Variants in TP73 observed in about 807,000 individuals in gnomAD.
TP73 encodes tumor protein p73.
TP73 carries 25 observed loss-of-function variants against 62.5 expected under a neutral mutation model. The ratio of observed to expected loss-of-function variants is 0.40; its 90% CI spans 0.29 to 0.56. The LOEUF (loss-of-function observed/expected upper bound fraction) is 0.56, where lower values mean the gene tolerates loss of function less well. TP73 is among the 20% of genes least tolerant of loss of function. TP73 has a pLI of 0.46. For missense variants in TP73, 754 were observed against 913.3 expected (o/e 0.83, Z 2.25); for synonymous variants, 423 against 377.5 (o/e 1.12, Z -1.40).
At position 3,699,045 on chromosome 1, in the gene TP73, C is replaced by T. The variant is rs1638925898; in HGVS notation, c.187-8504C>T. Among the ~76,000 whole-genome samples, 1 of 151,430 alleles carries T rather than the reference C, an allele frequency of 6.6e-6. No homozygotes were observed. The highest frequency in any genetic ancestry group is 2.5e-5 in the African/African-American group (1 of 40,800). On this transcript the variant is annotated intron_variant, in intron 3 of 13. Coordinates refer to ENST00000378295, the MANE Select transcript of TP73 (RefSeq NM_005427.4). The surrounding 1 kb of genome is among the most constrained non-coding windows in gnomAD (Gnocchi z 4.1). Reference sequence around the variant, plus strand: ...CAGCCCCGGGTGAGAGCAGAGGGTGCTGTGGGTGAGAGCACAGGGTGCTGT... The same window carrying T: ...CAGCCCCGGGTGAGAGCAGAGGGTGTTGTGGGTGAGAGCACAGGGTGCTGT...
chr1:3,727,456 C>CT (rs1401176190), intron 7 of TP73, 172 bp from the exon 8 acceptor site: 25 of 1,074,734 alleles, frequency 2.3e-5, no homozygotes, highest in Non-Finnish European at 3.2e-5. Context: ...AGCCTCACAG[C>CT]TTTGAGCCTC....
At chr1:3,729,022 G>C (rs1009035697) in intron 9 of TP73, among the ~76,000 whole-genome samples, 16 of 152,118 alleles carry the variant, frequency 1.1e-4, no homozygotes, top group Non-Finnish European at 1.2e-4. Context: ...GAGACAGAGA[G>C]AGACAGACTT....
At chr1:3,652,859 C>A (rs1377800265) in intron 1 of TP73, 2 of 152,320 alleles carry the variant, frequency 1.3e-5, no homozygotes, top group African/African-American at 4.8e-5. Context: ...GTCTAGCCTG[C>A]GAGGAGACGC....
intron 4 of TP73, among the ~76,000 whole-genome samples, chr1:3,712,800 C>A (rs1248911656): frequency 6.6e-6 from 1 of 152,164 alleles, no homozygotes; most frequent in East Asian, 1.9e-4. Flanking sequence ...GAGGGCACAC[C>A]AGGGTCACCT....
intron 1 of TP73, among the ~76,000 whole-genome samples, chr1:3,656,090 G>A (rs1259204245): frequency 2.6e-5 from 4 of 152,028 alleles, no homozygotes; most frequent in African/African-American, 7.3e-5. Flanking sequence ...GCAGGAGAAT[G>A]GCGTGAACCC....
chr1:3,718,660 G>A (rs185472212), intron 4 of TP73, among the ~76,000 whole-genome samples: 73 of 152,208 alleles, frequency 4.8e-4, no homozygotes, highest in African/African-American at 1.7e-3. Context: ...GCCTCTGCCC[G>A]CAGGCTTGGT....
intron 4 of TP73, among the ~76,000 whole-genome samples, chr1:3,719,835 C>T (rs1201367320): frequency 6.6e-6 from 1 of 152,172 alleles, no homozygotes; most frequent in Admixed American, 6.5e-5. Flanking sequence ...CAGGCGCCCG[C>T]ACAGGGGTGG....
chr1:3,673,987 C>G (rs1645302904), intron 1 of TP73, among the ~76,000 whole-genome samples: 1 of 152,294 alleles, frequency 6.6e-6, no homozygotes. Context: ...CCACCCTGAC[C>G]AGCTGTGTGC....
At chr1:3,661,022 C>T (rs916656592) in intron 1 of TP73, among the ~76,000 whole-genome samples, 1 of 152,164 alleles carries the variant, frequency 6.6e-6, no homozygotes, top group African/African-American at 2.4e-5. Flanking sequence ...ATATAACTCA[C>T]CCAGAGAAGG....
chr1:3,697,357 A>G (rs35837097), intron 3 of TP73, among the ~76,000 whole-genome samples: 67,569 of 152,148 alleles, frequency 0.44, 16,839 homozygotes, highest in Non-Finnish European at 0.54. Flanking sequence ...CTCCCTGCAC[A>G]GGCCCTCGGC....
intron 1 of TP73, among the ~76,000 whole-genome samples, chr1:3,660,917 A>G (rs972773949): frequency 1.3e-5 from 2 of 152,246 alleles, no homozygotes; most frequent in African/African-American, 4.8e-5. Flanking sequence ...ATACTTTCAC[A>G]TAATAACTAG....
At chr1:3,675,580 C>T (rs1052360402) in intron 1 of TP73, among the ~76,000 whole-genome samples, 3 of 152,156 alleles carry the variant, frequency 2.0e-5, no homozygotes, top group East Asian at 1.9e-4. Flanking sequence ...CTGGGCCAGA[C>T]GGGGCAGAGG....
chr1:3,685,948 C>T (rs1158970640), intron 3 of TP73, among the ~76,000 whole-genome samples: 5 of 152,242 alleles, frequency 3.3e-5, no homozygotes, highest in Admixed American at 3.3e-4. Context: ...CCACACAGGC[C>T]CGGCCTCGGG....
chr1:3,676,215 A>G (rs527624718), intron 1 of TP73, among the ~76,000 whole-genome samples: 2 of 145,400 alleles, frequency 1.4e-5, no homozygotes, highest in East Asian at 4.2e-4. Flanking sequence ...AGGATGGGAG[A>G]AGGAGAGGTC....
Position 3,670,165 on chromosome 1 carries a change from G to C in TP73, c.-33-12168G>C, listed in dbSNP as rs1645207799. On this transcript the variant is annotated intron_variant, in intron 1 of 13. Coordinates refer to ENST00000378295, the MANE Select transcript of TP73 (RefSeq NM_005427.4). The surrounding 1 kb of genome is among the most constrained non-coding windows in gnomAD (Gnocchi z 5.9). ...TGGGTGCGTTTTACACCACTCTGAG[G>C]ATCTCTCTGCTCATCCCTAAGGCAG... Among the ~76,000 whole-genome samples the C allele has an allele frequency of 6.6e-6, 1 of 152,062 alleles. No homozygotes were observed. The highest frequency in any genetic ancestry group is 2.4e-5 in the African/African-American group (1 of 41,386).
Position 3,685,303 on chromosome 1 carries a change from G to A in TP73, c.186+2123G>A, listed in dbSNP as rs567338979. On this transcript the variant is annotated intron_variant, in intron 3 of 13. Transcript: ENST00000378295. ...TGAGCTCCATATCGGGGTCTGGTCC[G>A]AGCCCCCGCCTGCTGGAACGTGCCA... 4.6e-5 allele frequency among the ~76,000 whole-genome samples: 7 copies of A among 152,272 alleles called. No homozygotes were observed. In the East Asian group the frequency reaches 5.8e-4, roughly 13 times the overall value.
At position 3,731,008 on chromosome 1, in the gene TP73, T is replaced by C; in HGVS notation, c.1427T>C (p.Val476Ala). 1 of 1,612,394 alleles carries C rather than the reference T, an allele frequency of 6.2e-7. No individual in the cohort carries two copies. Among genetic ancestry groups the C allele is most frequent in the South Asian group, 1.1e-5 (1 of 91,054 alleles). ...MSSSHSAQSMVSGSHCTPPPP... is the reference protein window; with the variant it reads ...MSSSHSAQSMASGSHCTPPPP... ...AGCAGCCACAGCGCCCAGTCCATGG[T>C]CTCGGGGTCCCACTGCACTCCGCCA... Residue 476 changes from valine (V) to alanine (A), a missense_variant, in exon 12 of 14, where the codon GTC becomes GCC. Val to Ala is a moderately conservative substitution (Grantham distance 64). Around this residue, in one of 3 missense-constraint regions of TP73, gnomAD observed 458 missense variants for 528.7 expected, o/e 0.87. Transcript: ENST00000378295.
intron 1 of TP73, among the ~76,000 whole-genome samples, chr1:3,657,791 G>T (rs912154243): frequency 1.3e-5 from 2 of 152,140 alleles, no homozygotes; most frequent in East Asian, 3.9e-4. Flanking sequence ...AGCACCTCCC[G>T]CCTGGCGCCT....
At chr1:3,732,301 T>C (rs1053792908) in intron 13 of TP73, among the ~76,000 whole-genome samples, 2 of 152,196 alleles carry the variant, frequency 1.3e-5, no homozygotes, top group African/African-American at 4.8e-5. Context: ...CTGTGTCCAC[T>C]AACCGCCCTC....
Sources: gnomAD v4.1 joint callset for allele counts (sites outside exome capture counted in the v4.1 genomes callset) on GRCh38, gnomAD v4.1.1 for gene constraint, gnomAD v4.1.1 regional missense constraint, Gnocchi (gnomAD v3.1) non-coding constraint, MANE v1.5 for transcripts, NCBI Gene and HGNC (gene_info 2026-07-23, HGNC 2026-07-21) for gene names.